PAIP1: variants seen among roughly 807,000 people sequenced by gnomAD.
PAIP1 encodes polyadenylate-binding protein-interacting protein 1.
A neutral mutation model predicts 61.3 loss-of-function variants in PAIP1; 16 were observed. The observed-to-expected ratio is 0.26, with a 90% CI of 0.18 to 0.40. PAIP1 has a LOEUF of 0.40. Ranked by LOEUF, PAIP1 falls within the 10% of genes least tolerant of loss-of-function variation. The probability of loss-of-function intolerance (pLI) is 1.00; values close to 1 mark genes in which losing one functional copy is unlikely to be tolerated. For missense variants in PAIP1, 416 were observed against 600.9 expected (o/e 0.69, Z 3.22); for synonymous variants, 187 against 226.2 (o/e 0.83, Z 1.56).
rs763511432 is a variant in PAIP1, at chr5:43,536,895, C to G, written c.896G>C (p.Gly299Ala). ...CAGGGCATTCAGCAATTCTCGAAGA[C>G]CAACCTGAAGAATATCTGCTCTTGT... is the stretch of plus-strand genomic sequence containing the variant. ...QVTRADILQV[G>A]LRELLNALFS... is the part of the protein sequence containing the mutation. Residue 299 changes from glycine to alanine, a missense_variant, in exon 6 of 11, where the codon GGT becomes GCT. Gly to Ala is a moderately conservative substitution (Grantham distance 60, BLOSUM62 0). This residue lies in a region of PAIP1 where 135 missense variants were observed against 283.9 expected (regional missense o/e 0.48). Transcript: ENST00000306846. 2 of 1,585,338 alleles carry G rather than the reference C, an allele frequency of 1.3e-6. No individual in the cohort carries two copies. Among genetic ancestry groups the G allele is most frequent in the Non-Finnish European group, 1.7e-6 (2 of 1,159,688 alleles).
intron 10 of PAIP1, among the ~76,000 whole-genome samples, chr5:43,528,506 C>G (rs1054602985): frequency 1.6e-4 from 25 of 152,082 alleles, no homozygotes; most frequent in Non-Finnish European, 4.4e-5. Flanking sequence ...AAGAGGATAA[C>G]CTGAAGTTCA....
chr5:43,550,688 C>T (rs1262310415), intron 2 of PAIP1, among the ~76,000 whole-genome samples: 1 of 151,962 alleles, frequency 6.6e-6, no homozygotes, highest in African/African-American at 2.4e-5. Context: ...GGTGTGGCTG[C>T]TGAGTACCTA....
intron 3 of PAIP1, among the ~76,000 whole-genome samples, chr5:43,545,773 C>CT (rs1287494533): frequency 1.3e-3 from 201 of 149,124 alleles, no homozygotes; most frequent in African/African-American, 4.6e-3. Context: ...TTTAATCTGT[C>CT]ATTTTTTTTT....
chr5:43,532,220 A>C (rs1394909172), intron 9 of PAIP1, among the ~76,000 whole-genome samples: 1 of 152,196 alleles, frequency 6.6e-6, no homozygotes, highest in Non-Finnish European at 1.5e-5. Flanking sequence ...TAATCAAAAT[A>C]AATCAAGGTA....
intron 10 of PAIP1, among the ~76,000 whole-genome samples, chr5:43,528,080 A>G (rs139288150): frequency 2.4e-3 from 359 of 152,320 alleles, no homozygotes; most frequent in Non-Finnish European, 3.8e-3. Context: ...CCCATAGTTA[A>G]GTATGGCGGG....
chr5:43,544,889 A>G (rs958888054), intron 3 of PAIP1, among the ~76,000 whole-genome samples: 2 of 152,220 alleles, frequency 1.3e-5, no homozygotes, highest in Non-Finnish European at 2.9e-5. Context: ...GAAATGCTTG[A>G]AATCTCAAGC....
chr5:43,555,712 A>G, intron 2 of PAIP1, 118 bp downstream of exon 2: 1 of 716,294 alleles, frequency 1.4e-6, no homozygotes, highest in Non-Finnish European at 2.3e-6. Flanking sequence ...AAACATTCAC[A>G]ATAAAAAAAT....
In PAIP1 at chr5:43,526,720, A is replaced by G. The variant is rs1449429528; in HGVS notation, c.*656T>C. The G allele has an allele frequency of 6.7e-6, 1 of 149,944 alleles. No individual in the cohort carries two copies. The highest frequency in any genetic ancestry group is 1.5e-5 in the Non-Finnish European group (1 of 67,414). 9.3% of individuals were successfully genotyped at this position (149,944 alleles called of 1,614,324 possible). On this transcript the variant is annotated 3_prime_UTR_variant, in exon 11 of 11. Coordinates refer to ENST00000306846, the MANE Select transcript of PAIP1 (RefSeq NM_006451.5). ...AGGTAATGAAGTTAGTCAGTTGAAAAAATAAAAATAAAAAAGAACAATTCT... is the reference window on the plus strand; with the variant it reads ...AGGTAATGAAGTTAGTCAGTTGAAAGAATAAAAATAAAAAAGAACAATTCT...
At position 43,536,870 on chromosome 5, in the gene PAIP1, C is replaced by G; in HGVS notation, c.921G>C (p.Leu307=). The stretch of plus-strand genomic sequence containing the variant: ...AATTGTCATCCATAGGATTAGAAAA[C>G]AGGGCATTCAGCAATTCTCGAAGAC... The part of the protein sequence containing the change: ...QVGLRELLNA[L]FSNPMDDNLI... Residue 307 remains leucine, a synonymous_variant, in exon 6 of 11, where the codon CTG becomes CTC. Transcript: ENST00000306846. The G allele has an allele frequency of 6.4e-7, 1 of 1,565,978 alleles. No homozygotes were observed. Among genetic ancestry groups the G allele is most frequent in the African/African-American group, 1.4e-5 (1 of 73,496 alleles).
Position 43,526,787 on chromosome 5 carries a change from T to G in PAIP1, c.*589A>C, listed in dbSNP as rs1020544384. ...TTCAGTGAAGTCTTGGTTGTTTAGC[T>G]GGGAGTTCACCAAGTTGGGTTTTTC... On this transcript the variant is annotated 3_prime_UTR_variant, in exon 11 of 11. Transcript: ENST00000306846. The G allele has an allele frequency of 1.3e-5, 2 of 152,104 alleles. No individual in the cohort carries two copies. The highest frequency in any genetic ancestry group is 4.8e-5 in the African/African-American group (2 of 41,432). 9.4% of individuals were successfully genotyped at this position (152,104 alleles called of 1,614,324 possible).
In PAIP1 at chr5:43,536,939, C is replaced by T. The variant is rs780261592; in HGVS notation, c.852G>A (p.Lys284=). ...LGELYLNLEI[K]GTNGQVTRAD... is the part of the protein sequence containing the mutation. Reference sequence around the variant, plus strand: ...CTCTTGTAACCTGTCCATTTGTTCCCTTGATCTTTCGGGACCAAAAAAAAG... The same window carrying T: ...CTCTTGTAACCTGTCCATTTGTTCCTTTGATCTTTCGGGACCAAAAAAAAG... The change falls in exon 6 of 11, where the codon AAG becomes AAA. Residue 284 remains lysine, a synonymous_variant. Transcript: ENST00000306846. 6 of 1,567,032 alleles carry T rather than the reference C, an allele frequency of 3.8e-6. No homozygotes were observed. In the East Asian group the frequency reaches 1.1e-4, roughly 30 times the overall value.
intron 1 of PAIP1, 175 bp from the exon 2 acceptor site, chr5:43,556,174 G>A: frequency 7.2e-7 from 1 of 1,393,254 alleles, no homozygotes; most frequent in Non-Finnish European, 9.3e-7. Context: ...AGGAACAATA[G>A]ACTTGCTGTG....
In PAIP1 at chr5:43,555,853, A is replaced by G; in HGVS notation, c.412T>C (p.Ser138Pro). ...LSVNAPEFYP[S>P]GYSSSYTESY... is the part of the protein sequence containing the mutation. ...ACTGTGTAACTGGAAGAATAACCTG[A>G]AGGGTAAAATTCAGGGGCATTCACA... The change falls in exon 2 of 11, where the codon TCA (serine) becomes CCA (proline). Residue 138 changes from serine (S) to proline (P), a missense_variant. Ser to Pro is a moderately conservative substitution (Grantham distance 74). Transcript: ENST00000306846. The G allele has an allele frequency of 3.7e-6, 6 of 1,612,180 alleles. No individual in the cohort carries two copies. Among genetic ancestry groups the G allele is most frequent in the Non-Finnish European group, 5.1e-6 (6 of 1,179,554 alleles).
chr5:43,547,366 A>C (rs1330700086), intron 3 of PAIP1, among the ~76,000 whole-genome samples: 4 of 152,164 alleles, frequency 2.6e-5, no homozygotes, highest in Non-Finnish European at 4.4e-5. Context: ...TGGTACTGCT[A>C]ATTTCAGAGC....
At chr5:43,545,816 C>T (rs896356583) in intron 3 of PAIP1, among the ~76,000 whole-genome samples, 3 of 151,660 alleles carry the variant, frequency 2.0e-5, no homozygotes, top group Admixed American at 6.6e-5. Flanking sequence ...GTTGCCCAAG[C>T]TGGAGTGCAG....
At chr5:43,554,502 A>G (rs1747988406) in intron 2 of PAIP1, among the ~76,000 whole-genome samples, 1 of 152,138 alleles carries the variant, frequency 6.6e-6, no homozygotes, top group South Asian at 2.1e-4. Flanking sequence ...TTTTTCCTAT[A>G]CAGCATAAGA....
intron 2 of PAIP1, among the ~76,000 whole-genome samples, chr5:43,551,126 G>A (rs1316513291): frequency 6.6e-6 from 1 of 152,148 alleles, no homozygotes; most frequent in East Asian, 1.9e-4. Context: ...TCTTAAGGAA[G>A]TAGGAAAAAC....
In PAIP1 at chr5:43,556,908, G is replaced by C. The variant is rs1001132116; in HGVS notation, c.-62C>G. On this transcript the variant is annotated 5_prime_UTR_variant, in exon 1 of 11. Transcript: ENST00000306846. ...GCCGCTGCGCTCGCGATAGGACGCG[G>C]GGGGAAGGCGCCGCGGGTCGGCTAT... is the stretch of plus-strand genomic sequence containing the variant. 2 of 1,327,378 alleles carry C rather than the reference G, an allele frequency of 1.5e-6. No individual in the cohort carries two copies. Among genetic ancestry groups the C allele is most frequent in the Non-Finnish European group, 1.9e-6 (2 of 1,041,036 alleles). 82.2% of individuals were successfully genotyped at this position (1,327,378 alleles called of 1,614,324 possible).
Position 43,556,057 on chromosome 5 carries a change from GCTATATACTGAAAAACCAT to G in PAIP1, c.266-77_266-59del, listed in dbSNP as rs1423809371. The G allele has an allele frequency of 3.9e-6, 6 of 1,547,360 alleles. No homozygotes were observed. The African/African-American group carries it at 8.3e-5, about 21-fold the overall frequency. ...CATTCTTTCCTTTGTACAGCAACTT[GCTATATACTGAAAAACCAT>G]CTGAAAAGCGTCTGTTTTTAAGAGT... On this transcript the variant is annotated intron_variant, in intron 1 of 10. Transcript: ENST00000306846.
Sources: allele counts gnomAD v4.1 joint callset (sites outside exome capture counted in the v4.1 genomes callset), GRCh38; gene constraint gnomAD v4.1.1; regional missense constraint gnomAD v4.1.1; transcripts MANE v1.5; gene names NCBI Gene and HGNC (gene_info 2026-07-23, HGNC 2026-07-21).